Variants in MTMR6 observed in about 807,000 individuals in gnomAD.
MTMR6 encodes phosphatidylinositol-3,5-bisphosphate 3-phosphatase MTMR6.
Under a neutral mutation model 80.1 loss-of-function variants are expected in MTMR6, and 47 were observed. The observed-to-expected ratio is 0.59, with a 90% CI of 0.46 to 0.75. The LOEUF (loss-of-function observed/expected upper bound fraction) is 0.75, where lower values mean the gene tolerates loss of function less well. MTMR6 is among the 30% of genes least tolerant of loss of function. The probability of loss-of-function intolerance (pLI) is 0.00; values close to 1 mark genes in which losing one functional copy is unlikely to be tolerated. For synonymous variants in MTMR6, 254 were observed against 253.0 expected, an observed-to-expected ratio of 1.00 and a Z score of -0.04; for missense variants, 629 against 730.9, an observed-to-expected ratio of 0.86 and a Z score of 1.61.
intron 3 of MTMR6, among the ~76,000 whole-genome samples, chr13:25,267,178 C>G (rs934971531): frequency 3.7e-4 from 51 of 138,650 alleles, no homozygotes; most frequent in African/African-American, 1.3e-3. Context: ...ACCTGGGAGG[C>G]GGAGGTTGCA....
chr13:25,285,394 C>CA (rs921501966), intron 1 of MTMR6, among the ~76,000 whole-genome samples: 6 of 131,126 alleles, frequency 4.6e-5, no homozygotes, highest in African/African-American at 1.7e-4. Flanking sequence ...TTTCCGCCCC[C>CA]CCCCCCCCAA....
intron 1 of MTMR6, among the ~76,000 whole-genome samples, chr13:25,278,127 T>C (rs1306867834): frequency 1.3e-5 from 2 of 152,248 alleles, no homozygotes; most frequent in Admixed American, 6.5e-5. Flanking sequence ...GCTCATCTTA[T>C]GCAACTGACA....
intron 8 of MTMR6, 45 bp from the exon 9 acceptor site, chr13:25,257,366 C>A (rs1275057073): frequency 3.1e-6 from 5 of 1,593,154 alleles, no homozygotes; most frequent in East Asian, 2.3e-5. Flanking sequence ...TTAAGGTAAA[C>A]CAATAAATTC....
rs1216657914 is a variant in MTMR6 at position 25,266,025 on chromosome 13, G to C, written c.463-78C>G. On this transcript the variant is annotated intron_variant, in intron 4 of 13. Coordinates refer to ENST00000381801, the MANE Select transcript of MTMR6 (RefSeq NM_004685.5). Reference sequence around the variant, plus strand: ...TAAAAACCTTTAAACCTTATTAAATGCAAGAACAGCACATTTCAGTACACA... The same window carrying C: ...TAAAAACCTTTAAACCTTATTAAATCCAAGAACAGCACATTTCAGTACACA... The C allele has an allele frequency of 1.9e-6, 3 of 1,592,506 alleles. No homozygotes were observed. In the East Asian group the frequency reaches 6.7e-5, roughly 36 times the overall value.
chr13:25,259,554 A>G (rs1055132552), intron 6 of MTMR6, among the ~76,000 whole-genome samples: 1 of 152,206 alleles, frequency 6.6e-6, no homozygotes, highest in Non-Finnish European at 1.5e-5. Context: ...CGGTACCTAA[A>G]GTAAAATCTA....
chr13:25,260,790 AAAG>A (rs763375162), intron 6 of MTMR6: 6 of 480,684 alleles, frequency 1.2e-5, no homozygotes, highest in African/African-American at 4.2e-5. Flanking sequence ...ATGTTAATAA[AAAG>A]AAGAAGGGAC....
intron 1 of MTMR6, among the ~76,000 whole-genome samples, chr13:25,274,454 CAG>C (rs1426868483): frequency 6.6e-6 from 1 of 152,102 alleles, no homozygotes; most frequent in Admixed American, 6.5e-5. Context: ...TAGCAAGAAA[CAG>C]GGGTACAGTA....
In MTMR6 at chr13:25,282,582, G is replaced by A. The variant is rs559828664; in HGVS notation, c.24+4642C>T. On this transcript the variant is annotated intron_variant, in intron 1 of 13. Coordinates refer to ENST00000381801, the MANE Select transcript of MTMR6 (RefSeq NM_004685.5). ...CCGGCTTCTCCTCCTCTGCTTGCTC[G>A]CCCTCTTCTTTTTTCTTTTTTCTTT... 4.7e-5 allele frequency among the ~76,000 whole-genome samples: 7 copies of A among 150,514 alleles called. No individual in the cohort carries two copies. In the East Asian group the frequency reaches 9.8e-4, roughly 21 times the overall value.
Position 25,249,460 on chromosome 13 carries a change from A to G in MTMR6, c.1638T>C (p.Asp546=). 6.2e-7 allele frequency: 1 copy of G among 1,613,692 alleles called. No homozygotes were observed. The highest frequency in any genetic ancestry group is 1.7e-5 in the Admixed American group (1 of 59,996). Residue 546 remains aspartate, a synonymous_variant, in exon 14 of 14, where the codon GAT becomes GAC. Coordinates refer to ENST00000381801, the MANE Select transcript of MTMR6 (RefSeq NM_004685.5). ...KIKQRKNKQT[D]GILTKELLHS... ...GTAACAATTCCTTGGTGAGGATGCC[A>G]TCTGTTTGCTTATTTTTGCGTTGTT...
At chr13:25,274,494 CAA>C (rs35184340) in intron 1 of MTMR6, among the ~76,000 whole-genome samples, 4,223 of 152,122 alleles carry the variant, frequency 0.028, 74 homozygotes, top group Non-Finnish European at 0.043. Context: ...TTTTCATACC[CAA>C]GAGTCAACAT....
At chr13:25,276,050 C>T (rs1957719419) in intron 1 of MTMR6, among the ~76,000 whole-genome samples, 1 of 152,234 alleles carries the variant, frequency 6.6e-6, no homozygotes, top group Admixed American at 6.5e-5. Flanking sequence ...CACTGCAAAT[C>T]CAAACTTAAA....
intron 1 of MTMR6, among the ~76,000 whole-genome samples, chr13:25,279,257 T>C (rs28492994): frequency 0.037 from 5,585 of 152,216 alleles, 203 homozygotes; most frequent in South Asian, 0.13. Flanking sequence ...CTGTTCTCTC[T>C]TCACAGTGAG....
At chr13:25,253,687 T>C in intron 11 of MTMR6, 77 bp downstream of exon 11, 1 of 1,227,150 alleles carries the variant, frequency 8.1e-7, no homozygotes, top group Admixed American at 2.5e-5. Context: ...GATATTTTAT[T>C]AAGTTTCAAA....
intron 5 of MTMR6, among the ~76,000 whole-genome samples, chr13:25,262,591 C>A (rs906129507): frequency 1.3e-5 from 2 of 152,278 alleles, no homozygotes; most frequent in South Asian, 4.1e-4. Flanking sequence ...TGGTTGTCAA[C>A]TCCTGGGCTC....
At position 25,251,205 on chromosome 13, in the gene MTMR6, G is replaced by C. The variant is rs1350993165; in HGVS notation, c.1605+444C>G. On this transcript the variant is annotated intron_variant, in intron 13 of 13. Coordinates refer to ENST00000381801, the MANE Select transcript of MTMR6 (RefSeq NM_004685.5). This position sits in a 1 kb window ranked among gnomAD's most constrained non-coding sequence, Gnocchi z 4.1. The stretch of plus-strand genomic sequence containing the variant: ...CTACTTTTTTGTTATTTTTTTAGTA[G>C]AGATGGGGTTTCACTGTGCTGACCA... 1.3e-5 allele frequency among the ~76,000 whole-genome samples: 2 copies of C among 152,006 alleles called. No individual in the cohort carries two copies.
intron 3 of MTMR6, among the ~76,000 whole-genome samples, chr13:25,266,652 A>G (rs1243606407): frequency 6.6e-6 from 1 of 152,258 alleles, no homozygotes; most frequent in Non-Finnish European, 1.5e-5. Context: ...TGTTATAATG[A>G]GAAGCTAGAG....
Position 25,249,351 on chromosome 13 carries a change from G to C in MTMR6, c.1747C>G (p.Arg583Gly). 6.2e-7 allele frequency: 1 copy of C among 1,614,086 alleles called. No homozygotes were observed. The highest frequency in any genetic ancestry group is 8.5e-7 in the Non-Finnish European group (1 of 1,179,972). Residue 583 changes from arginine to glycine, a missense_variant, in exon 14 of 14, where the codon CGA (arginine) becomes GGA (glycine). Transcript: ENST00000381801. Reference protein sequence around the residue: ...QTLLPVNDALRTIEGSSPADN... With the variant: ...QTLLPVNDALGTIEGSSPADN... ...GCCGGGCTGCTGCCCTCTATAGTTCGAAGAGCATCATTTACGGGTAGCAGA... is the reference window on the plus strand; with the variant it reads ...GCCGGGCTGCTGCCCTCTATAGTTCCAAGAGCATCATTTACGGGTAGCAGA...
intron 1 of MTMR6, among the ~76,000 whole-genome samples, chr13:25,286,074 A>C (rs1186517878): frequency 6.6e-6 from 1 of 152,070 alleles, no homozygotes; most frequent in East Asian, 1.9e-4. Flanking sequence ...CCACAACTTG[A>C]ATTCTCAAGT....
At chr13:25,265,706 T>G in intron 5 of MTMR6, 113 bp downstream of exon 5, 1 of 1,216,310 alleles carries the variant, frequency 8.2e-7, no homozygotes, top group South Asian at 1.6e-5. Flanking sequence ...CACTCCAGCT[T>G]CGGCAACAGA....
Sources: allele counts gnomAD v4.1 joint callset (sites outside exome capture counted in the v4.1 genomes callset), GRCh38; gene constraint gnomAD v4.1.1; non-coding constraint Gnocchi (gnomAD v3.1); transcripts MANE v1.5; gene names NCBI Gene and HGNC (gene_info 2026-07-23, HGNC 2026-07-21).